Variants in TSHZ3 observed in about 807,000 individuals in gnomAD.
TSHZ3 encodes the protein teashirt zinc finger homeobox 3, also known as teashirt homolog 3.
In TSHZ3, 10 loss-of-function variants were observed where a neutral mutation model predicts 64.5. The observed-to-expected ratio is 0.16, with a 90% CI of 0.10 to 0.26. TSHZ3 has a LOEUF of 0.26. TSHZ3 is among the 10% of genes least tolerant of loss of function. The pLI is 1.00. For synonymous variants in TSHZ3, 608 were observed against 593.1 expected (o/e 1.03, Z -0.36); for missense variants, 1,242 against 1,421.7 (o/e 0.87, Z 2.03).
intron 4 of TSHZ3, among the ~76,000 whole-genome samples, chr19:31,225,075 T>C (rs1425244777): frequency 6.6e-6 from 1 of 152,222 alleles, no homozygotes; most frequent in African/African-American, 2.4e-5. Flanking sequence ...CAAATTCTAC[T>C]GCACCCTGAC....
intron 1 of TSHZ3, among the ~76,000 whole-genome samples, chr19:31,292,733 T>C (rs770974583): frequency 5.1e-5 from 1 of 19,462 alleles, no homozygotes; most frequent in African/African-American, 2.2e-3. Flanking sequence ...CATCCACCCA[T>C]CCATCCATCC....
intron 1 of TSHZ3, among the ~76,000 whole-genome samples, chr19:31,251,567 G>A (rs1463403098): frequency 6.6e-6 from 1 of 152,108 alleles, no homozygotes; most frequent in East Asian, 1.9e-4. Flanking sequence ...CAGAAGAGGT[G>A]GTCTTTCTAA....
intron 1 of TSHZ3, among the ~76,000 whole-genome samples, chr19:31,289,962 A>G (rs1489122970): frequency 1.3e-5 from 2 of 151,956 alleles, no homozygotes; most frequent in African/African-American, 4.8e-5. Flanking sequence ...GGACTCATGG[A>G]AGTGCCTTAC....
chr19:31,342,721 C>T (rs1380778588), intron 1 of TSHZ3, among the ~76,000 whole-genome samples: 1 of 152,118 alleles, frequency 6.6e-6, no homozygotes, highest in Non-Finnish European at 1.5e-5. Flanking sequence ...ACCAAACAGC[C>T]CTTTGCTCTC....
Position 31,326,839 on chromosome 19 carries a change from T to C in TSHZ3, c.40+22341A>G, listed in dbSNP as rs189557323. The stretch of plus-strand genomic sequence containing the variant: ...CCTTACTGTAAACATTTGTGCAACT[T>C]CAAATAAATATCCTCCCCAAGTCTC... On this transcript the variant is annotated intron_variant, in intron 1 of 1. Transcript: ENST00000240587. Among the ~76,000 whole-genome samples the C allele has an allele frequency of 2.8e-3, 431 of 152,320 alleles. 1 individual carries two copies. The highest frequency in any genetic ancestry group is 6.8e-3 in the Middle Eastern group (2 of 294).
intron 6 of TSHZ3, among the ~76,000 whole-genome samples, chr19:31,152,412 G>A (rs1974253538): frequency 6.6e-6 from 1 of 152,120 alleles, no homozygotes; most frequent in Non-Finnish European, 1.5e-5. Flanking sequence ...TATGTGGAAG[G>A]GGTGAGGTGG....
chr19:31,230,895 G>T (rs1975531521), intron 3 of TSHZ3, among the ~76,000 whole-genome samples: 1 of 151,288 alleles, frequency 6.6e-6, no homozygotes, highest in Non-Finnish European at 1.5e-5. Flanking sequence ...GTAGAGACGG[G>T]GTTTCACCTT....
chr19:31,298,337 T>G (rs950740107), intron 1 of TSHZ3, among the ~76,000 whole-genome samples: 3 of 151,950 alleles, frequency 2.0e-5, no homozygotes, highest in Admixed American at 1.3e-4. Flanking sequence ...GTCCCAGCCC[T>G]CCCCATACAG....
At chr19:31,150,256 T>C (rs1254659909) in exon 7 of TSHZ3, among the ~76,000 whole-genome samples, 1 of 152,196 alleles carries the variant, frequency 6.6e-6, no homozygotes, top group East Asian at 1.9e-4. Context: ...GTGAGGCCCG[T>C]GTGCTGGGAG....
intron 1 of TSHZ3, among the ~76,000 whole-genome samples, chr19:31,299,796 A>G (rs866770847): frequency 4.6e-5 from 7 of 152,332 alleles, no homozygotes; most frequent in Middle Eastern, 6.8e-3. Flanking sequence ...CCGGGACCCA[A>G]GTCTCTGAGG....
rs1456568740 is a variant in TSHZ3, at chr19:31,279,587, C to T, written c.206G>A (p.Cys69Tyr). The T allele has an allele frequency of 3.1e-6, 5 of 1,611,340 alleles. No individual in the cohort carries two copies. The highest frequency in any genetic ancestry group is 1.1e-5 in the South Asian group (1 of 90,730). Residue 69 changes from cysteine (C) to tyrosine (Y), a missense_variant, in exon 2 of 2, where the codon TGC becomes TAC. By Grantham distance (194) the Cys-to-Tyr change is radical (BLOSUM62 -2). Transcript: ENST00000240587. This position sits in a 1 kb window ranked among gnomAD's most constrained non-coding sequence, Gnocchi z 6.4. The part of the protein sequence containing the change: ...YQNSPAAEFS[C>Y]HEMDSESHIS... ...GTGTGACTCGCTGTCCATTTCATGG[C>T]AGGAAAACTCGGCGGCCGGGGAGTT...
chr19:31,281,739 G>A (rs1365906266), intron 1 of TSHZ3, among the ~76,000 whole-genome samples: 1 of 152,168 alleles, frequency 6.6e-6, no homozygotes. Context: ...GAAAAGAATA[G>A]GAAAAGAAAA....
chr19:31,178,996 C>T (rs1974656310), intron 5 of TSHZ3, among the ~76,000 whole-genome samples: 1 of 148,994 alleles, frequency 6.7e-6, no homozygotes, highest in Non-Finnish European at 1.5e-5. Context: ...GAGCAGGAGA[C>T]CTGGACTGCA....
intron 1 of TSHZ3, among the ~76,000 whole-genome samples, chr19:31,304,641 T>G (rs1976809789): frequency 6.6e-6 from 1 of 152,174 alleles, no homozygotes; most frequent in Non-Finnish European, 1.5e-5. Context: ...CTGTGAGATT[T>G]AAATATTTTA....
intron 5 of TSHZ3, among the ~76,000 whole-genome samples, chr19:31,187,065 A>C (rs1035655082): frequency 6.6e-6 from 1 of 152,024 alleles, no homozygotes; most frequent in Non-Finnish European, 1.5e-5. Flanking sequence ...CACTTCTCTT[A>C]CTTTTAACAC....
chr19:31,231,412 C>T (rs1222493893), intron 3 of TSHZ3, among the ~76,000 whole-genome samples: 1 of 152,198 alleles, frequency 6.6e-6, no homozygotes, highest in African/African-American at 2.4e-5. Context: ...CCGATCCCGA[C>T]TTCACCACCC....
At chr19:31,307,912 A>G (rs1344516067) in intron 1 of TSHZ3, among the ~76,000 whole-genome samples, 1 of 152,192 alleles carries the variant, frequency 6.6e-6, no homozygotes, top group African/African-American at 2.4e-5. Flanking sequence ...CACTTGGCAG[A>G]AACTTGTATG....
At chr19:31,259,655 A>G (rs1017774035) in intron 1 of TSHZ3, among the ~76,000 whole-genome samples, 3 of 152,238 alleles carry the variant, frequency 2.0e-5, no homozygotes, top group Admixed American at 6.5e-5. Context: ...TGGAAATAAA[A>G]AAAAAAAGAG....
At chr19:31,257,411 G>A (rs541368721) in intron 1 of TSHZ3, among the ~76,000 whole-genome samples, 6 of 152,250 alleles carry the variant, frequency 3.9e-5, no homozygotes, top group South Asian at 4.1e-4. Flanking sequence ...AGTTTATTCC[G>A]GAACATGACC....
Sources: gnomAD v4.1 joint callset for allele counts (sites outside exome capture counted in the v4.1 genomes callset) on GRCh38, gnomAD v4.1.1 for gene constraint, Gnocchi (gnomAD v3.1) non-coding constraint, MANE v1.5 for transcripts, NCBI Gene and HGNC (gene_info 2026-07-23, HGNC 2026-07-21) for gene names.